Variants in KIAA1549L observed in about 807,000 individuals in gnomAD.
KIAA1549L encodes UPF0606 protein KIAA1549L.
A neutral mutation model predicts 160.7 loss-of-function variants in KIAA1549L; 88 were observed. The observed-to-expected ratio is 0.55, with a 90% CI of 0.46 to 0.65. The LOEUF (loss-of-function observed/expected upper bound fraction) is 0.65. Among genes scored for constraint, KIAA1549L ranks in the 30% least tolerant of loss-of-function variants. The pLI is 0.00. For synonymous variants in KIAA1549L, 950 were observed against 976.7 expected (o/e 0.97, Z 0.51); for missense variants, 2,258 against 2,437.5 (o/e 0.93, Z 1.55).
At chr11:33,597,806 G>T (rs570730294) in intron 12 of KIAA1549L, among the ~76,000 whole-genome samples, 11 of 152,256 alleles carry the variant, frequency 7.2e-5, no homozygotes, top group African/African-American at 2.6e-4. Context: ...CAAAGGGAAG[G>T]TGTTCTGGGA....
At chr11:33,518,066 G>A (rs1853390959) in intron 1 of KIAA1549L, among the ~76,000 whole-genome samples, 1 of 141,052 alleles carries the variant, frequency 7.1e-6, no homozygotes, top group Admixed American at 7.8e-5. Context: ...TTGAACCCAG[G>A]AGGCAGAGGT....
chr11:33,659,729 C>G (rs1454080778), intron 19 of KIAA1549L, among the ~76,000 whole-genome samples: 2 of 152,210 alleles, frequency 1.3e-5, no homozygotes, highest in East Asian at 1.9e-4. Context: ...TACACACTCT[C>G]CTGGGAGGAA....
chr11:33,380,627 G>A (rs189963801), intron 1 of KIAA1549L, among the ~76,000 whole-genome samples: 4 of 152,198 alleles, frequency 2.6e-5, no homozygotes, highest in Admixed American at 2.0e-4. Context: ...CGTCAGTGGG[G>A]TGTTAAAGTC....
At position 33,516,277 on chromosome 11, in the gene KIAA1549L, G is replaced by T. The variant is rs1334392908; in HGVS notation, c.239-25525G>T. 3.6e-5 allele frequency among the ~76,000 whole-genome samples: 2 copies of T among 56,010 alleles called. 1 individual carries two copies. The highest frequency in any genetic ancestry group is 6.0e-5 in the Non-Finnish European group (2 of 33,300). The allele number at this position is 56,010 out of a possible 152,430, so 36.7% of individuals were successfully genotyped here. On this transcript the variant is annotated intron_variant, in intron 1 of 20. Transcript: ENST00000658780. ...CGCCATTCTCCTGCCTCAGCCTCCC[G>T]AGTAGCTGGGACTACAGGCGCCCGC...
intron 1 of KIAA1549L, among the ~76,000 whole-genome samples, chr11:33,523,102 A>G (rs1853534501): frequency 6.6e-6 from 1 of 152,184 alleles, no homozygotes; most frequent in Non-Finnish European, 1.5e-5. Context: ...TGATTCTACA[A>G]TGGATTCTGT....
At chr11:33,661,180 G>A (rs1250150878) in intron 20 of KIAA1549L, among the ~76,000 whole-genome samples, 166 bp downstream of exon 20, 1 of 152,214 alleles carries the variant, frequency 6.6e-6, no homozygotes, top group African/African-American at 2.4e-5. Context: ...GTGGTGAGAG[G>A]GGATGTCCCC....
intron 9 of KIAA1549L, among the ~76,000 whole-genome samples, chr11:33,570,533 A>G (rs1047924216): frequency 6.6e-6 from 1 of 152,130 alleles, no homozygotes; most frequent in Non-Finnish European, 1.5e-5. Flanking sequence ...GATTCTACTA[A>G]CACTTTCCCC....
Position 33,513,074 on chromosome 11 carries a change from C to A in KIAA1549L, c.239-28728C>A, listed in dbSNP as rs79841902. 9.4e-3 allele frequency among the ~76,000 whole-genome samples: 1,438 copies of A among 152,282 alleles called. 18 individuals are homozygous for A. Among genetic ancestry groups the A allele is most frequent in the East Asian group, 0.04 (208 of 5,180 alleles). The stretch of plus-strand genomic sequence containing the variant: ...CTCAAGATACAGGGACAGAGAACAT[C>A]AGTGGTGCCTTCTCCCAGGCACTCT... On this transcript the variant is annotated intron_variant, in intron 1 of 20. Transcript: ENST00000658780.
In KIAA1549L at chr11:33,565,705, C is replaced by T. The variant is rs531957159; in HGVS notation, c.4079-2371C>T. ...ACAGCCTCTGGCACTTCCGTGGAGG[C>T]TTTTTTTTTTTTTTCAAAAAAATTT... On this transcript the variant is annotated intron_variant, in intron 8 of 20. Coordinates refer to ENST00000658780, the MANE Select transcript of KIAA1549L (RefSeq NM_012194.3). Among the ~76,000 whole-genome samples, 136 of 131,604 alleles carry T rather than the reference C, an allele frequency of 1.0e-3. 3 individuals carry two copies. The South Asian group carries it at 0.031, about 30-fold the overall frequency. The allele number at this position is 131,604 out of a possible 152,430, so 86.3% of individuals were successfully genotyped here.
chr11:33,501,857 G>C (rs926215605), intron 1 of KIAA1549L, among the ~76,000 whole-genome samples: 1 of 152,154 alleles, frequency 6.6e-6, no homozygotes, highest in African/African-American at 2.4e-5. Context: ...GGCACAGGAA[G>C]GTTAGGTTCT....
intron 17 of KIAA1549L, among the ~76,000 whole-genome samples, chr11:33,650,370 T>A (rs1009423139): frequency 1.3e-5 from 2 of 152,218 alleles, no homozygotes; most frequent in African/African-American, 2.4e-5. Context: ...AGAATCCTTA[T>A]CTCAGCCCAC....
chr11:33,458,728 G>A (rs1052938421), intron 1 of KIAA1549L, among the ~76,000 whole-genome samples: 1 of 152,266 alleles, frequency 6.6e-6, no homozygotes. Context: ...GAAAGGGCAA[G>A]TGGCCCCTAC....
At chr11:33,584,361 G>A (rs1408978858) in intron 11 of KIAA1549L, among the ~76,000 whole-genome samples, 1 of 152,222 alleles carries the variant, frequency 6.6e-6, no homozygotes, top group South Asian at 2.1e-4. Context: ...AGAAGCTGCA[G>A]GGCTTTGGCT....
intron 12 of KIAA1549L, among the ~76,000 whole-genome samples, chr11:33,598,335 C>T (rs979162419): frequency 3.3e-5 from 5 of 151,990 alleles, no homozygotes; most frequent in South Asian, 2.1e-4. Context: ...GTGAGAAGAG[C>T]AGCCCGAAAA....
intron 1 of KIAA1549L, among the ~76,000 whole-genome samples, chr11:33,487,537 G>T (rs1326692419): frequency 6.6e-6 from 1 of 151,592 alleles, no homozygotes; most frequent in African/African-American, 2.4e-5. Flanking sequence ...CAAAGTTCTA[G>T]CATCTCAGCT....
Position 33,609,968 on chromosome 11 carries a change from T to G in KIAA1549L, c.5279+2T>G. On this transcript the variant is annotated splice_donor_variant, in intron 15 of 20. Coordinates refer to ENST00000658780, the MANE Select transcript of KIAA1549L (RefSeq NM_012194.3). LOFTEE classifies it high-confidence loss of function. ...TCCATTCACCGAGTCTAAAAACAGG[T>G]GCAGTCTCTAAGGGATTCTGTAAAG... The G allele has an allele frequency of 6.2e-7, 1 of 1,612,194 alleles. No homozygotes were observed. The highest frequency in any genetic ancestry group is 1.3e-5 in the African/African-American group (1 of 74,988).
At position 33,559,927 on chromosome 11, in the gene KIAA1549L, C is replaced by G; in HGVS notation, c.4018+16C>G. On this transcript the variant is annotated intron_variant, in intron 7 of 20. Transcript: ENST00000658780. ...ATTGCTGAACGTGAGTATGGCCATG[C>G]CTATGGGGACCCCAGTGTTTCCCCT... The G allele has an allele frequency of 1.9e-6, 3 of 1,609,434 alleles. No homozygotes were observed. Among genetic ancestry groups the G allele is most frequent in the Non-Finnish European group, 2.6e-6 (3 of 1,175,978 alleles).
At chr11:33,559,008 A>AT (rs149427959) in intron 6 of KIAA1549L, among the ~76,000 whole-genome samples, 12,716 of 149,368 alleles carry the variant, frequency 0.085, 600 homozygotes, top group Middle Eastern at 0.19. Context: ...TAATTTTTGT[A>AT]TTTTTTTTTA....
intron 1 of KIAA1549L, among the ~76,000 whole-genome samples, chr11:33,426,942 G>C (rs753090694): frequency 6.6e-6 from 1 of 152,186 alleles, no homozygotes; most frequent in Admixed American, 6.5e-5. Flanking sequence ...GCATAGACTA[G>C]CATTTTATGT....
Sources: allele counts gnomAD v4.1 joint callset (sites outside exome capture counted in the v4.1 genomes callset), GRCh38; gene constraint gnomAD v4.1.1; transcripts MANE v1.5; gene names NCBI Gene and HGNC (gene_info 2026-07-23, HGNC 2026-07-21).